DOCK9: variants seen among roughly 807,000 people sequenced by gnomAD.
DOCK9 encodes dedicator of cytokinesis protein 9.
In DOCK9, 89 loss-of-function variants were observed where a neutral mutation model predicts 263.3. The observed-to-expected ratio is 0.34, with a 90% confidence interval of 0.28 to 0.40. The LOEUF (loss-of-function observed/expected upper bound fraction) is 0.40. Among genes scored for constraint, DOCK9 ranks in the 10% least tolerant of loss-of-function variants. The pLI is 1.00. For missense variants in DOCK9, 2,140 were observed against 2,603.4 expected (o/e 0.82, Z 3.87); for synonymous variants, 976 against 973.1 (o/e 1.00, Z -0.06).
At chr13:98,817,263 G>T (rs746610164) in intron 45 of DOCK9, among the ~76,000 whole-genome samples, 1 of 152,084 alleles carries the variant, frequency 6.6e-6, no homozygotes, top group Non-Finnish European at 1.5e-5. Flanking sequence ...GTTTGAGACA[G>T]GTCTTGCATG....
chr13:99,003,200 T>C (rs539123368), intron 1 of DOCK9, among the ~76,000 whole-genome samples: 73 of 152,358 alleles, frequency 4.8e-4, no homozygotes, highest in African/African-American at 1.7e-3. Flanking sequence ...AAGATGATGG[T>C]GTTGGTGAAC....
chr13:98,964,220 A>G (rs1452030233), intron 1 of DOCK9, among the ~76,000 whole-genome samples: 4 of 152,208 alleles, frequency 2.6e-5, no homozygotes, highest in Non-Finnish European at 5.9e-5. Flanking sequence ...GGCCCACTAG[A>G]AGGAACCCAA....
rs1307890963 is a variant in DOCK9 at position 98,863,338 on chromosome 13, A to G, written c.3465+32T>C. On this transcript the variant is annotated intron_variant, in intron 31 of 52. Transcript: ENST00000682017. Reference sequence around the variant, plus strand: ...ACCACTTAAAATAAAGGACATTATCAATGCACATTCCTTCCATTGGGGACC... The same window carrying G: ...ACCACTTAAAATAAAGGACATTATCGATGCACATTCCTTCCATTGGGGACC... 4 of 1,602,074 alleles carry G rather than the reference A, an allele frequency of 2.5e-6. No individual in the cohort carries two copies. In the South Asian group the frequency reaches 3.3e-5, roughly 13 times the overall value.
At chr13:98,864,012 G>A (rs2093951148) in intron 30 of DOCK9, among the ~76,000 whole-genome samples, 1 of 152,066 alleles carries the variant, frequency 6.6e-6, no homozygotes, top group Non-Finnish European at 1.5e-5. Flanking sequence ...GTTATTACAT[G>A]AGTTCATATA....
intron 1 of DOCK9, among the ~76,000 whole-genome samples, chr13:99,007,296 A>G (rs1042527986): frequency 9.9e-5 from 15 of 152,126 alleles, no homozygotes; most frequent in African/African-American, 3.6e-4. Context: ...GCTGAGGCAC[A>G]AGAATTGCTT....
At chr13:98,904,077 T>C (rs1386722002) in intron 10 of DOCK9, among the ~76,000 whole-genome samples, 1 of 152,220 alleles carries the variant, frequency 6.6e-6, no homozygotes, top group Non-Finnish European at 1.5e-5. Flanking sequence ...AGAATGTATT[T>C]AATGCCACTG....
At chr13:98,877,939 T>C (rs1204924317) in intron 27 of DOCK9, among the ~76,000 whole-genome samples, 1 of 152,238 alleles carries the variant, frequency 6.6e-6, no homozygotes, top group Non-Finnish European at 1.5e-5. Flanking sequence ...CGCCTCGTCA[T>C]GGGCTGACCT....
intron 1 of DOCK9, among the ~76,000 whole-genome samples, chr13:99,042,476 C>G (rs1307441924): frequency 1.3e-5 from 2 of 152,204 alleles, no homozygotes; most frequent in Non-Finnish European, 2.9e-5. Flanking sequence ...CCACGGTCTG[C>G]TTGGATGTCA....
chr13:99,060,072 T>C (rs2142280632), intron 1 of DOCK9, among the ~76,000 whole-genome samples: 1 of 126,940 alleles, frequency 7.9e-6, no homozygotes, highest in East Asian at 2.2e-4. Flanking sequence ...CTTTTTTTTT[T>C]TTTTTTTTTT....
chr13:98,998,813 C>A (rs1022283385), intron 1 of DOCK9, among the ~76,000 whole-genome samples: 7 of 152,190 alleles, frequency 4.6e-5, no homozygotes, highest in Non-Finnish European at 1.0e-4. Context: ...CAATCCAAGG[C>A]CTTCCAGATT....
intron 1 of DOCK9, among the ~76,000 whole-genome samples, chr13:99,072,175 C>T (rs943112112): frequency 3.3e-5 from 5 of 152,206 alleles, no homozygotes; most frequent in African/African-American, 9.7e-5. Flanking sequence ...GCTTTCACTG[C>T]TTTTTGTATA....
chr13:98,960,352 G>T (rs1157090378), intron 1 of DOCK9, among the ~76,000 whole-genome samples: 1 of 152,142 alleles, frequency 6.6e-6, no homozygotes, highest in Non-Finnish European at 1.5e-5. Flanking sequence ...GCATGGTGAG[G>T]CCTGGCTGAC....
intron 1 of DOCK9, among the ~76,000 whole-genome samples, chr13:99,081,156 C>A (rs2042106837): frequency 6.6e-6 from 1 of 152,186 alleles, no homozygotes; most frequent in South Asian, 2.1e-4. Flanking sequence ...AAGCCCTGGC[C>A]AGTTCAGTTA....
chr13:99,026,076 C>CAAAAAAAAAAAAAA, intron 1 of DOCK9, among the ~76,000 whole-genome samples: 1 of 27,230 alleles, frequency 3.7e-5, no homozygotes. Flanking sequence ...GACTCCGTCT[C>CAAAAAAAAAAAAAA]AAAAAAAAAA....
intron 18 of DOCK9, among the ~76,000 whole-genome samples, chr13:98,887,615 CAAAAAAAAAAAAA>C (rs58976892): frequency 8.1e-5 from 3 of 37,218 alleles, no homozygotes; most frequent in East Asian, 1.1e-3. Flanking sequence ...GACTCCATCT[CAAAAAAAAAAAAA>C]AAAAAAAAAA....
At chr13:98,929,320 A>G (rs1439479197) in intron 3 of DOCK9, among the ~76,000 whole-genome samples, 6 of 152,210 alleles carry the variant, frequency 3.9e-5, no homozygotes, top group African/African-American at 1.4e-4. Context: ...AGGCGGGCAG[A>G]TCACTTGAGG....
In DOCK9 at chr13:99,054,314, G is replaced by A. The variant is rs556512005; in HGVS notation, c.129+31909C>T. On this transcript the variant is annotated intron_variant, in intron 1 of 32. Transcript: ENST00000427887. ...CCTTAATGGGGTAATTTGTGGCCTC[G>A]CCAAAAATTTGAAAGGTGGGCTTCC... 4.6e-5 allele frequency among the ~76,000 whole-genome samples: 7 copies of A among 152,196 alleles called. No homozygotes were observed. The East Asian group carries it at 5.8e-4, about 13-fold the overall frequency.
intron 7 of DOCK9, among the ~76,000 whole-genome samples, chr13:98,920,700 C>G (rs995773938): frequency 4.6e-5 from 7 of 152,214 alleles, no homozygotes; most frequent in African/African-American, 1.7e-4. Context: ...AATTAAGTAG[C>G]CTGTTAAAGG....
chr13:98,841,311 A>C (rs1433093158), intron 38 of DOCK9, among the ~76,000 whole-genome samples: 1 of 152,230 alleles, frequency 6.6e-6, no homozygotes, highest in Non-Finnish European at 1.5e-5. Flanking sequence ...TGCATCTGAA[A>C]GTGGGACCTC....
Sources: allele counts gnomAD v4.1 joint callset (sites outside exome capture counted in the v4.1 genomes callset), GRCh38; gene constraint gnomAD v4.1.1; transcripts MANE v1.5; gene names NCBI Gene and HGNC (gene_info 2026-07-23, HGNC 2026-07-21).